Variants in CDYL2 observed in about 807,000 individuals in gnomAD.
CDYL2 encodes chromodomain Y like 2, also known as chromodomain Y-like protein 2.
A neutral mutation model predicts 49.4 loss-of-function variants in CDYL2; 23 were observed. The ratio of observed to expected loss-of-function variants is 0.47; its 90% CI spans 0.34 to 0.66. CDYL2 has a LOEUF of 0.66. Among genes scored for constraint, CDYL2 ranks in the 30% least tolerant of loss-of-function variants. The pLI is 0.01. For missense variants in CDYL2, 678 were observed against 656.4 expected, an observed-to-expected ratio of 1.03 and a Z score of -0.36; for synonymous variants, 360 against 268.8, an observed-to-expected ratio of 1.34 and a Z score of -3.32.
At chr16:80,739,143 T>G (rs1597108807) in intron 1 of CDYL2, among the ~76,000 whole-genome samples, 1 of 152,300 alleles carries the variant, frequency 6.6e-6, no homozygotes, top group Non-Finnish European at 1.5e-5. Context: ...CTGAATGAAA[T>G]AAGCCAGTCA....
chr16:80,802,767 G>A (rs915431983), intron 1 of CDYL2, among the ~76,000 whole-genome samples: 1 of 152,096 alleles, frequency 6.6e-6, no homozygotes, highest in Non-Finnish European at 1.5e-5. Context: ...CTTCTCTAAC[G>A]CCAGTCAGCA....
At chr16:80,784,595 A>G (rs1907374296) in intron 1 of CDYL2, among the ~76,000 whole-genome samples, 1 of 152,154 alleles carries the variant, frequency 6.6e-6, no homozygotes. Flanking sequence ...AAAAAAAGAT[A>G]GTGATGTTTA....
intron 1 of CDYL2, among the ~76,000 whole-genome samples, chr16:80,688,527 T>C (rs1218865903): frequency 6.6e-6 from 1 of 152,222 alleles, no homozygotes; most frequent in Non-Finnish European, 1.5e-5. Context: ...TTATATACAT[T>C]GTTTCACCCC....
At chr16:80,760,515 T>C (rs1906489993) in intron 1 of CDYL2, among the ~76,000 whole-genome samples, 1 of 152,152 alleles carries the variant, frequency 6.6e-6, no homozygotes, top group Non-Finnish European at 1.5e-5. Context: ...AAAGGATAAA[T>C]GCTTGAGGGA....
At chr16:80,693,942 G>A (rs1226457875) in intron 1 of CDYL2, among the ~76,000 whole-genome samples, 1 of 152,176 alleles carries the variant, frequency 6.6e-6, no homozygotes, top group Non-Finnish European at 1.5e-5. Context: ...AAGAGACAGG[G>A]AAAAGGAGCT....
chr16:80,760,783 G>C (rs1315725577), intron 1 of CDYL2, among the ~76,000 whole-genome samples: 1 of 151,548 alleles, frequency 6.6e-6, no homozygotes, highest in Admixed American at 6.6e-5. Flanking sequence ...TAGAATGCAG[G>C]ATAGATGAAA....
intron 2 of CDYL2, among the ~76,000 whole-genome samples, chr16:80,668,496 G>T (rs1427145837): frequency 6.6e-6 from 1 of 150,974 alleles, no homozygotes; most frequent in African/African-American, 2.4e-5. Context: ...AAAGTACATA[G>T]ATTTAATATA....
chr16:80,640,123 A>C (rs915689448), intron 2 of CDYL2, among the ~76,000 whole-genome samples: 6 of 152,192 alleles, frequency 3.9e-5, no homozygotes, highest in African/African-American at 1.4e-4. Flanking sequence ...CAATCCACTG[A>C]GACACCAGCT....
intron 3 of CDYL2, among the ~76,000 whole-genome samples, chr16:80,623,032 C>A (rs558993232): frequency 1.3e-5 from 2 of 152,188 alleles, no homozygotes; most frequent in Non-Finnish European, 2.9e-5. Flanking sequence ...AGTGGCAGAG[C>A]CTGCACTAAC....
At chr16:80,756,498 T>C (rs1198514315) in intron 1 of CDYL2, among the ~76,000 whole-genome samples, 3 of 152,042 alleles carry the variant, frequency 2.0e-5, no homozygotes, top group Admixed American at 2.0e-4. Context: ...ATTTTTTGGG[T>C]AAATACAAAT....
chr16:80,615,508 G>A (rs1332557019), intron 4 of CDYL2, among the ~76,000 whole-genome samples: 5 of 152,104 alleles, frequency 3.3e-5, no homozygotes, highest in East Asian at 1.9e-4. Context: ...TCTGCTGGAC[G>A]TTTTTAATAA....
chr16:80,620,086 G>C (rs1023359824), intron 4 of CDYL2, among the ~76,000 whole-genome samples: 1 of 152,210 alleles, frequency 6.6e-6, no homozygotes, highest in Admixed American at 6.5e-5. Flanking sequence ...TGAACACTGG[G>C]TGACAGCTGT....
At chr16:80,647,031 A>T (rs985472650) in intron 2 of CDYL2, among the ~76,000 whole-genome samples, 4 of 152,190 alleles carry the variant, frequency 2.6e-5, no homozygotes, top group African/African-American at 9.6e-5. Flanking sequence ...AATGATAAAT[A>T]CACAAAAATC....
At chr16:80,740,933 A>T (rs1316402657) in intron 1 of CDYL2, among the ~76,000 whole-genome samples, 2 of 151,900 alleles carry the variant, frequency 1.3e-5, no homozygotes, top group Non-Finnish European at 2.9e-5. Flanking sequence ...AATTTTTTCA[A>T]CTTAAAGCAA....
At chr16:80,620,119 G>A (rs1229382713) in intron 4 of CDYL2, among the ~76,000 whole-genome samples, 1 of 152,244 alleles carries the variant, frequency 6.6e-6, no homozygotes, top group East Asian at 1.9e-4. Flanking sequence ...CAGCCGTAGT[G>A]TCTAGAAATG....
intron 2 of CDYL2, among the ~76,000 whole-genome samples, chr16:80,640,463 C>T (rs1567551945): frequency 6.6e-6 from 1 of 152,102 alleles, no homozygotes; most frequent in Non-Finnish European, 1.5e-5. Flanking sequence ...GACTCCGAGA[C>T]TTGGTGGCTT....
At chr16:80,799,119 A>T (rs1401883210) in intron 1 of CDYL2, among the ~76,000 whole-genome samples, 1 of 151,906 alleles carries the variant, frequency 6.6e-6, no homozygotes, top group Non-Finnish European at 1.5e-5. Flanking sequence ...TTACATAAAC[A>T]TGTGTAGAAA....
intron 2 of CDYL2, among the ~76,000 whole-genome samples, chr16:80,651,937 G>T (rs577554006): frequency 6.6e-6 from 1 of 152,302 alleles, no homozygotes; most frequent in Admixed American, 6.5e-5. Context: ...TTACAGATAA[G>T]CAAAAGGAGA....
At chr16:80,645,869 G>T (rs1345675084) in intron 2 of CDYL2, among the ~76,000 whole-genome samples, 1 of 151,388 alleles carries the variant, frequency 6.6e-6, no homozygotes, top group Non-Finnish European at 1.5e-5. Context: ...ATCATTCTCA[G>T]CAAACTATCT....
Sources: gnomAD v4.1 joint callset for allele counts (sites outside exome capture counted in the v4.1 genomes callset) on GRCh38, gnomAD v4.1.1 for gene constraint, MANE v1.5 for transcripts, NCBI Gene and HGNC (gene_info 2026-07-23, HGNC 2026-07-21) for gene names.